PDE6B: variants seen among roughly 807,000 people sequenced by gnomAD.
The protein encoded by PDE6B is phosphodiesterase 6B.
A neutral mutation model predicts 109.0 loss-of-function variants in PDE6B; 106 were observed. The observed-to-expected ratio is 0.97, with a 90% CI of 0.83 to 1.14. PDE6B has a LOEUF of 1.14. PDE6B is among the 50% of genes most tolerant of loss of function. The probability of loss-of-function intolerance (pLI) is 0.00; values close to 1 mark genes in which losing one functional copy is unlikely to be tolerated. For synonymous variants in PDE6B, 490 were observed against 471.3 expected, an observed-to-expected ratio of 1.04 and a Z score of -0.51; for missense variants, 1,193 against 1,155.6, an observed-to-expected ratio of 1.03 and a Z score of -0.47.
chr4:667,460 G>A (rs562919266), intron 20 of PDE6B, among the ~76,000 whole-genome samples: 9 of 152,312 alleles, frequency 5.9e-5, no homozygotes, highest in Middle Eastern at 6.8e-3. Flanking sequence ...GCGAGTGCAC[G>A]CGTGTGCTGT....
At position 657,468 on chromosome 4, in the gene PDE6B, G is replaced by T; in HGVS notation, c.1375G>T (p.Asp459Tyr). Reference protein sequence around the residue: ...QDMVLYHVKCDRDEIQLILPT... With the variant: ...QDMVLYHVKCYRDEIQLILPT... ...CATGGTCCTTTACCACGTGAAGTGCGACAGGGACGAGATCCAGCTCATCCT... is the reference window on the plus strand; with the variant it reads ...CATGGTCCTTTACCACGTGAAGTGCTACAGGGACGAGATCCAGCTCATCCT... The change falls in exon 10 of 22, where the codon GAC becomes TAC. Residue 459 changes from aspartate (D) to tyrosine (Y), a missense_variant. Physicochemically the swap from Asp to Tyr is radical, Grantham distance 160 (BLOSUM62 -3). Coordinates refer to ENST00000496514, the MANE Select transcript of PDE6B (RefSeq NM_000283.4). The T allele has an allele frequency of 1.2e-6, 2 of 1,613,326 alleles. No homozygotes were observed. Among genetic ancestry groups the T allele is most frequent in the Non-Finnish European group, 1.7e-6 (2 of 1,179,896 alleles).
intron 9 of PDE6B, 49 bp downstream of exon 9, chr4:657,072 TG>T: frequency 1.3e-6 from 2 of 1,585,104 alleles, no homozygotes; most frequent in African/African-American, 1.3e-5. Flanking sequence ...CTGCGAGGGG[TG>T]GGGCCTGTGC....
chr4:645,091 CTT>C (rs1260331862), intron 3 of PDE6B, among the ~76,000 whole-genome samples: 1 of 152,022 alleles, frequency 6.6e-6, no homozygotes, highest in Non-Finnish European at 1.5e-5. Context: ...CTAAAGTACT[CTT>C]TGTCTAAATT....
In PDE6B at chr4:662,976, G is replaced by A; in HGVS notation, c.1833-124G>A. On this transcript the variant is annotated intron_variant, in intron 14 of 21. Transcript: ENST00000496514. This position sits in a 1 kb window ranked among gnomAD's most constrained non-coding sequence, Gnocchi z 4.3. ...CATGATTGCACCACTGCACTCCAGA[G>A]TGGGTGACAGAGGCAGACCCTGTCT... 1 of 716,754 alleles carries A rather than the reference G, an allele frequency of 1.4e-6. No individual in the cohort carries two copies. The highest frequency in any genetic ancestry group is 1.7e-5 in the African/African-American group (1 of 57,412). 44.4% of individuals were successfully genotyped at this position (716,754 alleles called of 1,614,324 possible).
Position 656,277 on chromosome 4 carries a change from A to C in PDE6B, c.1092A>C (p.Glu364Asp), listed in dbSNP as rs1352683933. 1.3e-6 allele frequency: 2 copies of C among 1,589,152 alleles called. No homozygotes were observed. The highest frequency in any genetic ancestry group is 2.2e-5 in the South Asian group (2 of 90,574). Residue 364 changes from glutamate (E) to aspartate (D), a missense_variant, in exon 8 of 22, where the codon GAA (glutamate) becomes GAC (aspartate). Glu to Asp is a conservative substitution (Grantham distance 45). Coordinates refer to ENST00000496514, the MANE Select transcript of PDE6B (RefSeq NM_000283.4). The part of the protein sequence containing the change: ...ICNIMNASAD[E>D]MFKFQEGALD... ...ACATCATGAATGCTTCCGCTGACGA[A>C]ATGTTCAAATTTCAGGTATCTGTCT... is the stretch of plus-strand genomic sequence containing the variant.
chr4:634,926 T>C lies in PDE6B; in HGVS notation c.621+97T>C. 5 of 990,462 alleles carry C rather than the reference T, an allele frequency of 5.0e-6. No homozygotes were observed. In the South Asian group the frequency reaches 5.3e-5, roughly 10 times the overall value. The allele number at this position is 990,462 out of a possible 1,614,324, so 61.4% of individuals were successfully genotyped here. A position where few individuals can be genotyped will look rare whatever the true frequency, so the allele number is the denominator to read the frequency against. ...CTGCGCATCCACCTCTTTACCTGCCTGCCCGCCTGCCCGTGTGTTCTCTGC... is the reference window on the plus strand; with the variant it reads ...CTGCGCATCCACCTCTTTACCTGCCCGCCCGCCTGCCCGTGTGTTCTCTGC... On this transcript the variant is annotated intron_variant, in intron 2 of 21. Coordinates refer to ENST00000496514, the MANE Select transcript of PDE6B (RefSeq NM_000283.4).
intron 10 of PDE6B, 112 bp downstream of exon 10, chr4:657,606 C>T (rs1189615156): frequency 1.9e-6 from 2 of 1,055,136 alleles, no homozygotes; most frequent in Non-Finnish European, 2.8e-6. Flanking sequence ...GGCAGGTCAT[C>T]CAGGGGTCAC....
At chr4:650,353 G>GC (rs1271195340) in intron 3 of PDE6B, among the ~76,000 whole-genome samples, 2 of 152,142 alleles carry the variant, frequency 1.3e-5, no homozygotes, top group Non-Finnish European at 1.5e-5. Flanking sequence ...TGGGTGTCCG[G>GC]CCCCCCCTGT....
At chr4:653,580 G>A (rs1735795224) in intron 3 of PDE6B, 2 of 571,092 alleles carry the variant, frequency 3.5e-6, no homozygotes, top group African/African-American at 3.8e-5. Context: ...CAAAGCGACA[G>A]ATTCCACTTT....
intron 10 of PDE6B, among the ~76,000 whole-genome samples, chr4:658,067 A>G (rs1577285763): frequency 1.6e-5 from 1 of 61,804 alleles, no homozygotes. Flanking sequence ...CAGGTCGTCC[A>G]GGGGTCCATC....
In PDE6B at chr4:664,202, A is replaced by G. The variant is rs1737501662; in HGVS notation, c.2110A>G (p.Thr704Ala). 7 of 1,602,850 alleles carry G rather than the reference A, an allele frequency of 4.4e-6. No homozygotes were observed. The highest frequency in any genetic ancestry group is 5.1e-6 in the Non-Finnish European group (6 of 1,170,258). ...SWVEYLSLET[T>A]RKEIVMAMMM... ...GGTGGAGTACCTGTCCCTGGAGACG[A>G]CCCGGAAGGAGATCGTCATGTGAGC... The change falls in exon 17 of 22, where the codon ACC (threonine) becomes GCC (alanine). Residue 704 changes from threonine (T) to alanine (A), a missense_variant. Thr to Ala is a moderately conservative substitution (Grantham distance 58, BLOSUM62 0). Transcript: ENST00000496514.
chr4:654,946 G>T (rs570916822), intron 6 of PDE6B, 58 bp downstream of exon 6: 13 of 997,508 alleles, frequency 1.3e-5, no homozygotes, highest in Non-Finnish European at 2.1e-5. Context: ...CTCAGACCCC[G>T]GCTCAGCCCC....
rs748070667 is a variant in PDE6B, at chr4:659,481, CTGTG to C, written c.1467+469_1467+472del. On this transcript the variant is annotated intron_variant, in intron 11 of 21. Coordinates refer to ENST00000496514, the MANE Select transcript of PDE6B (RefSeq NM_000283.4). ...TGCATGTGTGTGCACATGTGGGTGT[CTGTG>C]TGTGCACAAGTGTGTACGTGTGTGT... Among the ~76,000 whole-genome samples the C allele has an allele frequency of 1.4e-3, 203 of 147,012 alleles. No homozygotes were observed. In the East Asian group the frequency reaches 0.024, roughly 18 times the overall value.
At position 662,464 on chromosome 4, in the gene PDE6B, C is replaced by T; in HGVS notation, c.1723-45C>T. ...TCCCAACCCCTCACCACTCCCCACC[C>T]TGCTGGAGCCAGGACCGGTGAGCAA... On this transcript the variant is annotated intron_variant, in intron 13 of 21. Transcript: ENST00000496514. This position sits in a 1 kb window ranked among gnomAD's most constrained non-coding sequence, Gnocchi z 4.3. 7.3e-7 allele frequency: 1 copy of T among 1,360,606 alleles called. No homozygotes were observed. The highest frequency in any genetic ancestry group is 1.1e-6 in the Non-Finnish European group (1 of 949,636). 84.3% of individuals were successfully genotyped at this position (1,360,606 alleles called of 1,614,324 possible). A position where few individuals can be genotyped will look rare whatever the true frequency, so the allele number is the denominator to read the frequency against.
intron 6 of PDE6B, 162 bp downstream of exon 6, chr4:655,050 T>C: frequency 3.0e-6 from 2 of 661,526 alleles, no homozygotes; most frequent in Non-Finnish European, 5.5e-6. Flanking sequence ...TGGGGCATAG[T>C]GGAGTTGGGG....
intron 3 of PDE6B, among the ~76,000 whole-genome samples, chr4:644,206 C>T (rs942081324): frequency 6.6e-5 from 10 of 151,900 alleles, no homozygotes; most frequent in Non-Finnish European, 8.8e-5. Flanking sequence ...CGTGAGCCAC[C>T]GTGCCCCTAG....
At chr4:669,338 T>C (rs1421709018) in intron 21 of PDE6B, among the ~76,000 whole-genome samples, 2 of 125,484 alleles carry the variant, frequency 1.6e-5, no homozygotes, top group Non-Finnish European at 3.3e-5. Context: ...CCCCATGCTA[T>C]TCCCCTACCC....
intron 11 of PDE6B, among the ~76,000 whole-genome samples, chr4:659,588 TG>T: frequency 6.7e-6 from 1 of 149,890 alleles, no homozygotes; most frequent in Admixed American, 6.6e-5. Context: ...TGTGTGCACA[TG>T]TGGGTATGTG....
Position 663,690 on chromosome 4 carries a change from C to A in PDE6B, c.1921-80C>A, listed in dbSNP as rs537733879. The A allele has an allele frequency of 1.1e-5, 11 of 1,033,798 alleles. No homozygotes were observed. The highest frequency in any genetic ancestry group is 2.0e-4 in the Middle Eastern group (1 of 4,954). The allele number at this position is 1,033,798 out of a possible 1,614,324, so 64.0% of individuals were successfully genotyped here. A position where few individuals can be genotyped will look rare whatever the true frequency, so the allele number is the denominator to read the frequency against. ...CGGGGGCGTGAGAGGCACAGGCAGC[C>A]GAGGCGGAAGGGGCGGGGTCCCCGG... On this transcript the variant is annotated intron_variant, in intron 15 of 21. Coordinates refer to ENST00000496514, the MANE Select transcript of PDE6B (RefSeq NM_000283.4). The surrounding 1 kb of genome is among the most constrained non-coding windows in gnomAD (Gnocchi z 4.0).
Sources: gnomAD v4.1 joint callset for allele counts (sites outside exome capture counted in the v4.1 genomes callset) on GRCh38, gnomAD v4.1.1 for gene constraint, Gnocchi (gnomAD v3.1) non-coding constraint, MANE v1.5 for transcripts, NCBI Gene and HGNC (gene_info 2026-07-23, HGNC 2026-07-21) for gene names.